Variants in CTNS observed in about 807,000 individuals in gnomAD.
CTNS encodes cystinosin, lysosomal cystine transporter, also known as cystinosin.
A neutral mutation model predicts 43.7 loss-of-function variants in CTNS; 27 were observed. That is an observed-to-expected ratio of 0.62 (90% CI 0.46 to 0.85). The LOEUF is 0.85. Among genes scored for constraint, CTNS ranks in the 40% least tolerant of loss-of-function variants. CTNS has a pLI of 0.00. For missense variants in CTNS, 457 were observed against 475.4 expected (o/e 0.96, Z 0.36); for synonymous variants, 187 against 190.6 (o/e 0.98, Z 0.16).
chr17:3,644,286 G>A lies in CTNS; in HGVS notation c.62-3158G>A, dbSNP rs138506202. The stretch of plus-strand genomic sequence containing the variant: ...GGAAATGGAGGCTCAGAGAGGGTAA[G>A]TACCTTACCCATGGTCACACAGCTA... On this transcript the variant is annotated intron_variant, in intron 3 of 11. Transcript: ENST00000046640. Among the ~76,000 whole-genome samples the A allele has an allele frequency of 6.6e-5, 10 of 152,286 alleles. No homozygotes were observed. The East Asian group carries it at 1.9e-3, about 29-fold the overall frequency.
chr17:3,641,376 A>ATG, intron 3 of CTNS, among the ~76,000 whole-genome samples: 1 of 38,512 alleles, frequency 2.6e-5, no homozygotes, highest in South Asian at 1.0e-3. Context: ...ATATATATAT[A>ATG]TATATATATT....
At chr17:3,659,296 G>A (rs975504407) in intron 10 of CTNS, among the ~76,000 whole-genome samples, 7 of 152,166 alleles carry the variant, frequency 4.6e-5, no homozygotes, top group South Asian at 2.1e-4. Context: ...CCGCAGACCC[G>A]CCCCCCCAAC....
At chr17:3,652,653 C>A (rs1295573532) in intron 5 of CTNS, among the ~76,000 whole-genome samples, 1 of 152,084 alleles carries the variant, frequency 6.6e-6, no homozygotes, top group Non-Finnish European at 1.5e-5. Flanking sequence ...TGAAAGGTAG[C>A]GATTATCACT....
At chr17:3,643,144 C>T (rs1248158200) in intron 3 of CTNS, among the ~76,000 whole-genome samples, 5 of 151,954 alleles carry the variant, frequency 3.3e-5, no homozygotes, top group Non-Finnish European at 7.4e-5. Context: ...GAAATCCCGT[C>T]TCTACCAAAA....
chr17:3,648,718 A>G, intron 4 of CTNS, 129 bp from the exon 5 acceptor site: 1 of 792,958 alleles, frequency 1.3e-6, no homozygotes, highest in Non-Finnish European at 2.2e-6. Context: ...GCTACCCATC[A>G]GGGTGGAGCA....
At chr17:3,644,609 C>T (rs754253594) in intron 3 of CTNS, among the ~76,000 whole-genome samples, 1 of 152,116 alleles carries the variant, frequency 6.6e-6, no homozygotes. Context: ...GGATTACAGG[C>T]GCCTGCCATC....
intron 3 of CTNS, among the ~76,000 whole-genome samples, chr17:3,646,892 TAGTC>T (rs1343529780): frequency 9.2e-5 from 14 of 152,134 alleles, no homozygotes; most frequent in East Asian, 1.9e-4. Flanking sequence ...ACCCCGCAGA[TAGTC>T]AGCCCCAGGA....
chr17:3,660,704 C>T lies in CTNS; in HGVS notation c.*335C>T, dbSNP rs2076263105. The T allele has an allele frequency of 6.2e-7, 1 of 1,613,444 alleles. No individual in the cohort carries two copies. Among genetic ancestry groups the T allele is most frequent in the Non-Finnish European group, 8.5e-7 (1 of 1,179,988 alleles). ...AGCCGAAGGCCTTGCCCCAAACTAC[C>T]AGCGTTTCTGCAAGCAGCTTGAAGG... On this transcript the variant is annotated 3_prime_UTR_variant, in exon 12 of 12. Coordinates refer to ENST00000046640, the MANE Select transcript of CTNS (RefSeq NM_004937.3).
intron 6 of CTNS, 37 bp from the exon 7 acceptor site, chr17:3,655,184 A>G: frequency 6.2e-7 from 1 of 1,614,086 alleles, no homozygotes; most frequent in Non-Finnish European, 8.5e-7. Flanking sequence ...TCAGAAGCCC[A>G]GCCTCAGCTC....
rs2076094603 is a variant in CTNS, at chr17:3,655,078, T to C, written c.306T>C (p.His102=). 1.2e-6 allele frequency: 2 copies of C among 1,614,076 alleles called. No individual in the cohort carries two copies. The highest frequency in any genetic ancestry group is 1.7e-6 in the Non-Finnish European group (2 of 1,179,944). Residue 102 remains histidine (H), a synonymous_variant, in exon 6 of 12, where the codon CAT becomes CAC. Transcript: ENST00000046640. ...QNVGQLTVYL[H]GNHSNQTGPR... is the part of the protein sequence containing the mutation. ...TTGGACAACTTACTGTTTATCTACATGGAAATCACTCCAATCAGACCGGGT... is the reference window on the plus strand; with the variant it reads ...TTGGACAACTTACTGTTTATCTACACGGAAATCACTCCAATCAGACCGGGT...
intron 10 of CTNS, among the ~76,000 whole-genome samples, chr17:3,659,149 G>A (rs2142979166): frequency 6.6e-6 from 1 of 152,040 alleles, no homozygotes; most frequent in South Asian, 2.1e-4. Flanking sequence ...GGACTGACTA[G>A]AGGCTCACTG....
At chr17:3,639,667 CAA>C (rs3039676) in intron 2 of CTNS, among the ~76,000 whole-genome samples, 4 of 141,206 alleles carry the variant, frequency 2.8e-5, no homozygotes, top group African/African-American at 1.0e-4. Context: ...GACTCTGTCT[CAA>C]AAAAAAAAAA....
intron 9 of CTNS, chr17:3,657,525 T>G: frequency 9.1e-6 from 2 of 220,392 alleles, no homozygotes; most frequent in South Asian, 7.1e-5. Flanking sequence ...GAAGCGAGAG[T>G]GAAGGTGGCC....
rs2076153461 is a variant in CTNS at position 3,656,601 on chromosome 17, G to GCCCTACAT, written c.561+17_561+24dup. On this transcript the variant is annotated intron_variant, in intron 8 of 11. Coordinates refer to ENST00000046640, the MANE Select transcript of CTNS (RefSeq NM_004937.3). ...CCTACATCAAGGTACGGCCTTGCCT[G>GCCCTACAT]CCCTACATCTCTGCCCACATGGCGT... 6.2e-7 allele frequency: 1 copy of GCCCTACAT among 1,611,956 alleles called. No homozygotes were observed. The highest frequency in any genetic ancestry group is 1.7e-5 in the Admixed American group (1 of 59,768).
intron 4 of CTNS, among the ~76,000 whole-genome samples, chr17:3,647,781 C>T (rs1358005082): frequency 2.0e-5 from 3 of 152,192 alleles, no homozygotes; most frequent in Admixed American, 6.5e-5. Context: ...GTCTTTTCCC[C>T]GCATGGGAAG....
intron 3 of CTNS, among the ~76,000 whole-genome samples, chr17:3,643,184 G>A (rs2075762137): frequency 6.6e-6 from 1 of 151,840 alleles, no homozygotes. Flanking sequence ...CGTGGTGGCG[G>A]GCGCCTATAG....
At position 3,660,616 on chromosome 17, in the gene CTNS, G is replaced by A; in HGVS notation, c.*247G>A. The A allele has an allele frequency of 1.2e-6, 2 of 1,613,476 alleles. No individual in the cohort carries two copies. Among genetic ancestry groups the A allele is most frequent in the South Asian group, 1.1e-5 (1 of 91,088 alleles). On this transcript the variant is annotated 3_prime_UTR_variant, in exon 12 of 12. Transcript: ENST00000046640. ...TGACACCGCCATCTCTTTTCTTTAAGGCTTCAGGCAGCGCGCACAGGCTCT... is the reference window on the plus strand; with the variant it reads ...TGACACCGCCATCTCTTTTCTTTAAAGCTTCAGGCAGCGCGCACAGGCTCT...
At chr17:3,649,499 T>C (rs867358161) in intron 5 of CTNS, among the ~76,000 whole-genome samples, 1 of 149,804 alleles carries the variant, frequency 6.7e-6, no homozygotes, top group Non-Finnish European at 1.5e-5. Context: ...GCCTGGCTGC[T>C]CAAAGGGCAT....
At chr17:3,655,593 T>G in intron 7 of CTNS, 1 of 488,986 alleles carries the variant, frequency 2.0e-6, no homozygotes, top group Non-Finnish European at 3.7e-6. Context: ...GAAAAGGGGC[T>G]CCTTAGTTTA....
Sources: gnomAD v4.1 joint callset for allele counts (sites outside exome capture counted in the v4.1 genomes callset) on GRCh38, gnomAD v4.1.1 for gene constraint, MANE v1.5 for transcripts, NCBI Gene and HGNC (gene_info 2026-07-23, HGNC 2026-07-21) for gene names.